The following TRPC5 variants were observed in gnomAD, a reference collection of about 807,000 sequenced individuals.
TRPC5 encodes short transient receptor potential channel 5.
TRPC5 carries 9 observed loss-of-function variants against 56.5 expected under a neutral mutation model. That is an observed-to-expected ratio of 0.16 (90% CI 0.10 to 0.28). The LOEUF (loss-of-function observed/expected upper bound fraction) is 0.28. Among genes scored for constraint, TRPC5 ranks in the 10% least tolerant of loss-of-function variants. The probability of loss-of-function intolerance (pLI) is 1.00; values close to 1 mark genes in which losing one functional copy is unlikely to be tolerated. For synonymous variants in TRPC5, 282 were observed against 278.5 expected (o/e 1.01, Z -0.13); for missense variants, 469 against 748.9 (o/e 0.63, Z 4.36).
intron 2 of TRPC5, among the ~76,000 whole-genome samples, chrX:111,926,923 G>A (rs1332407914): frequency 8.9e-6 from 1 of 112,223 alleles, no homozygotes; most frequent in Non-Finnish European, 1.9e-5. Context: ...GTAGATAAAA[G>A]AGAGGGTTCT....
chrX:112,028,073 A>G (rs2147716425), intron 1 of TRPC5, among the ~76,000 whole-genome samples: 1 of 111,517 alleles, frequency 9.0e-6, no homozygotes, highest in South Asian at 3.8e-4. Context: ...CCCCATGTAC[A>G]TATTTCTTTT....
chrX:111,963,701 C>A (rs1041737592), intron 1 of TRPC5, among the ~76,000 whole-genome samples: 1 of 112,003 alleles, frequency 8.9e-6, no homozygotes, highest in Non-Finnish European at 1.9e-5. Flanking sequence ...GCTGCTGATA[C>A]CCAGGCAAAT....
At chrX:111,884,593 G>A (rs1924383124) in intron 3 of TRPC5, among the ~76,000 whole-genome samples, 1 of 112,751 alleles carries the variant, frequency 8.9e-6, no homozygotes, top group Admixed American at 9.3e-5. Context: ...CCTGGGTAAG[G>A]TCTAGTCATA....
At chrX:111,986,303 G>C (rs772122457) in intron 1 of TRPC5, among the ~76,000 whole-genome samples, 1 of 101,621 alleles carries the variant, frequency 9.8e-6, no homozygotes, top group South Asian at 3.8e-4. Flanking sequence ...AATTTGGCCT[G>C]ATTCAACTTT....
In TRPC5 at chrX:111,995,279, G is replaced by A. The variant is rs140453492; in HGVS notation, c.-21-42838C>T. On this transcript the variant is annotated intron_variant, in intron 1 of 10. Transcript: ENST00000262839. ...TGATGGATTATGTTTATTGATTTGC[G>A]TATGTTGAACCACCCTTGCATCCTA... Among the ~76,000 whole-genome samples, 1,023 of 111,870 alleles carry A rather than the reference G, an allele frequency of 9.1e-3. 3 individuals carry two copies. Among genetic ancestry groups the A allele is most frequent in the Non-Finnish European group, 0.012 (660 of 53,186 alleles).
At position 111,968,418 on chromosome X, in the gene TRPC5, A is replaced by G. The variant is rs373906071; in HGVS notation, c.-21-15977T>C. On this transcript the variant is annotated intron_variant, in intron 1 of 10. Transcript: ENST00000262839. ...CAACCATTGTGGAAGTCGGTGTGGC[A>G]ATTCCTCAGGGATCTAGAACTAGAA... is the stretch of plus-strand genomic sequence containing the variant. Among the ~76,000 whole-genome samples the G allele has an allele frequency of 2.2e-4, 24 of 111,578 alleles. No individual in the cohort carries two copies. The East Asian group carries it at 6.0e-3, about 28-fold the overall frequency.
intron 7 of TRPC5, among the ~76,000 whole-genome samples, chrX:111,803,878 G>A (rs1921403638): frequency 1.8e-5 from 2 of 111,694 alleles, no homozygotes; most frequent in Admixed American, 9.5e-5. Flanking sequence ...GTCTATTTTG[G>A]CTTTTGTTGC....
chrX:111,912,808 G>C lies in TRPC5; in HGVS notation c.383C>G (p.Pro128Arg). ...GAACTGCGTGTCCATCATCAGAGTG[G>C]GGACCTAGGTACAAGAAATGAGAAG... ...YRRPSGEKQV[P>R]TLMMDTQFSE... Residue 128 changes from proline to arginine, a missense_variant, in exon 3 of 11, where the codon CCC becomes CGC. Around this residue, in one of 3 missense-constraint regions of TRPC5, gnomAD observed 118 missense variants for 167.1 expected, o/e 0.71. Transcript: ENST00000262839. 8.4e-7 allele frequency: 1 copy of C among 1,195,641 alleles called. No homozygotes were observed.
intron 1 of TRPC5, among the ~76,000 whole-genome samples, chrX:112,016,511 G>A (rs1929128579): frequency 9.0e-6 from 1 of 111,318 alleles, no homozygotes; most frequent in African/African-American, 3.3e-5. Flanking sequence ...CCAGACAGGG[G>A]TGCTCAGAAA....
intron 7 of TRPC5, among the ~76,000 whole-genome samples, chrX:111,795,650 CTTTG>C (rs1041255252): frequency 1.5e-4 from 17 of 111,139 alleles, no homozygotes; most frequent in Admixed American, 1.9e-4. Context: ...TTTCAAGGTT[CTTTG>C]TTTGTCTTTC....
chrX:112,035,832 C>T (rs868476625), intron 1 of TRPC5, among the ~76,000 whole-genome samples: 1 of 108,704 alleles, frequency 9.2e-6, no homozygotes, highest in Admixed American at 1.0e-4. Flanking sequence ...GGGGTTTCAC[C>T]GTATTAGTCA....
chrX:112,041,447 A>G (rs1202723815), intron 1 of TRPC5, among the ~76,000 whole-genome samples: 1 of 111,674 alleles, frequency 9.0e-6, no homozygotes, highest in Non-Finnish European at 1.9e-5. Context: ...AAATACATTG[A>G]CTCATTTAAT....
intron 2 of TRPC5, among the ~76,000 whole-genome samples, chrX:111,922,549 A>C (rs1237676040): frequency 8.9e-6 from 1 of 112,393 alleles, no homozygotes; most frequent in Admixed American, 9.4e-5. Flanking sequence ...TAATCAGTTC[A>C]CATTACCAGC....
intron 2 of TRPC5, among the ~76,000 whole-genome samples, chrX:111,941,174 A>G (rs1484970920): frequency 1.8e-5 from 2 of 111,957 alleles, no homozygotes; most frequent in African/African-American, 6.5e-5. Context: ...CGTTCCTTCA[A>G]TGTGCCTGTC....
intron 3 of TRPC5, among the ~76,000 whole-genome samples, chrX:111,883,784 G>C (rs187750704): frequency 0.023 from 2,620 of 112,775 alleles, 71 homozygotes; most frequent in African/African-American, 0.081. Context: ...TTAAGCCCTA[G>C]CCAGGGTCTA....
chrX:111,929,150 C>T (rs759163455), intron 2 of TRPC5, among the ~76,000 whole-genome samples: 3 of 112,263 alleles, frequency 2.7e-5, no homozygotes, highest in Admixed American at 1.9e-4. Flanking sequence ...CAGGGCTCCA[C>T]CGATGCAGGG....
At chrX:111,881,688 T>G (rs1172435271) in intron 3 of TRPC5, among the ~76,000 whole-genome samples, 3 of 110,830 alleles carry the variant, frequency 2.7e-5, no homozygotes, top group African/African-American at 9.9e-5. Flanking sequence ...CTATAAGCAG[T>G]CTGTTTCCTG....
chrX:112,035,455 T>TCA (rs1483504624), intron 1 of TRPC5, among the ~76,000 whole-genome samples: 2 of 93,736 alleles, frequency 2.1e-5, no homozygotes, highest in East Asian at 5.8e-4. Context: ...GTCCTTGAAC[T>TCA]CATATATATA....
At chrX:111,896,534 C>T (rs903787316) in intron 3 of TRPC5, 6 of 110,578 alleles carry the variant, frequency 5.4e-5, no homozygotes, top group African/African-American at 2.0e-4. Flanking sequence ...TTCAGTAGGT[C>T]AGTGGAAAGA....
Sources: gnomAD v4.1 joint callset for allele counts (sites outside exome capture counted in the v4.1 genomes callset) on GRCh38, gnomAD v4.1.1 for gene constraint, gnomAD v4.1.1 regional missense constraint, MANE v1.5 for transcripts, NCBI Gene and HGNC (gene_info 2026-07-23, HGNC 2026-07-21) for gene names.